The following SMAD3 variants were observed in gnomAD, a reference collection of about 807,000 sequenced individuals.
The protein encoded by SMAD3 is MAD homolog 3.
SMAD3 carries 12 observed loss-of-function variants against 51.8 expected under a neutral mutation model. The ratio of observed to expected loss-of-function variants is 0.23; its 90% CI spans 0.15 to 0.38. The LOEUF is 0.38. Among genes scored for constraint, SMAD3 ranks in the 10% least tolerant of loss-of-function variants. The pLI, the probability that SMAD3 is intolerant of heterozygous loss-of-function variation, is 1.00. For missense variants in SMAD3, 294 were observed against 565.6 expected (o/e 0.52, Z 4.87); for synonymous variants, 238 against 227.7 (o/e 1.05, Z -0.41).
intron 1 of SMAD3, among the ~76,000 whole-genome samples, chr15:67,068,698 A>T (rs1478257300): frequency 6.6e-6 from 1 of 152,088 alleles, no homozygotes; most frequent in Non-Finnish European, 1.5e-5. Context: ...ATCCAGACAA[A>T]ATGGATTTTC....
At chr15:67,117,088 T>C (rs1311362934) in intron 1 of SMAD3, among the ~76,000 whole-genome samples, 1 of 152,132 alleles carries the variant, frequency 6.6e-6, no homozygotes. Context: ...TCTAAATATG[T>C]CTCTGCCTCC....
In SMAD3 at chr15:67,137,152, C is replaced by G. The variant is rs527347311; in HGVS notation, c.207-27743C>G. 2.0e-5 allele frequency among the ~76,000 whole-genome samples: 3 copies of G among 152,258 alleles called. No homozygotes were observed. The South Asian group carries it at 6.2e-4, about 32-fold the overall frequency. Reference sequence around the variant, plus strand: ...AGCAGGCTGCGTTTGTGGTTTTTGCCAAGGCTTGACTTTTGACCACTTTTC... The same window carrying G: ...AGCAGGCTGCGTTTGTGGTTTTTGCGAAGGCTTGACTTTTGACCACTTTTC... On this transcript the variant is annotated intron_variant, in intron 1 of 8. Coordinates refer to ENST00000327367, the MANE Select transcript of SMAD3 (RefSeq NM_005902.4).
In SMAD3 at chr15:67,191,707, A is replaced by G. The variant is rs1199590186; in HGVS notation, c.*1171A>G. 4.3e-6 allele frequency: 1 copy of G among 231,318 alleles called. No individual in the cohort carries two copies. Among genetic ancestry groups the G allele is most frequent in the African/African-American group, 2.2e-5 (1 of 45,206 alleles). 14.3% of individuals were successfully genotyped at this position (231,318 alleles called of 1,614,324 possible). ...AATTTACAGAAGCAAATTCACCAGA[A>G]GGGAAACATCTCAGGCCAACATAGG... is the stretch of plus-strand genomic sequence containing the variant. On this transcript the variant is annotated 3_prime_UTR_variant, in exon 9 of 9. Transcript: ENST00000327367.
intron 1 of SMAD3, among the ~76,000 whole-genome samples, chr15:67,087,954 C>A (rs1349557502): frequency 6.6e-6 from 1 of 152,162 alleles, no homozygotes; most frequent in African/African-American, 2.4e-5. Context: ...GCAAGCCAAG[C>A]CCTTTGGAAG....
In SMAD3 at chr15:67,085,868, G is replaced by GCACACACACACACACACA. The variant is rs78357581; in HGVS notation, c.206+19523_206+19540dup. Among the ~76,000 whole-genome samples, 44 of 100,148 alleles carry GCACACACACACACACACA rather than the reference G, an allele frequency of 4.4e-4. 1 individual carries two copies. The highest frequency in any genetic ancestry group is 1.4e-3 in the African/African-American group (42 of 29,234). 65.7% of individuals were successfully genotyped at this position (100,148 alleles called of 152,430 possible). ...TAGTGGTTGGTCAAAAAAAAAGCGT[G>GCACACACACACACACACA]CACACACACACACACACACACACAC... On this transcript the variant is annotated intron_variant, in intron 1 of 8. Transcript: ENST00000327367.
At chr15:67,084,107 G>T (rs141794286) in intron 1 of SMAD3, among the ~76,000 whole-genome samples, 4 of 115,076 alleles carry the variant, frequency 3.5e-5, no homozygotes, top group Non-Finnish European at 6.5e-5. Context: ...ATGGAGTCTC[G>T]CTCTGTCGCC....
rs58914503 is a variant in SMAD3 at position 67,150,847 on chromosome 15, C to CTTTTTTTTTTTTTTTTT, written c.207-14038_207-14022dup. 1.4e-4 allele frequency among the ~76,000 whole-genome samples: 2 copies of CTTTTTTTTTTTTTTTTT among 14,672 alleles called. 1 individual carries two copies. The highest frequency in any genetic ancestry group is 2.3e-4 in the Non-Finnish European group (2 of 8,884). 9.6% of individuals were successfully genotyped at this position (14,672 alleles called of 152,430 possible). A position where few individuals can be genotyped will look rare whatever the true frequency, so the allele number is the denominator to read the frequency against. On this transcript the variant is annotated intron_variant, in intron 1 of 8. Coordinates refer to ENST00000327367, the MANE Select transcript of SMAD3 (RefSeq NM_005902.4). ...TAAGAGAGCAAAGCTATTTCTCAGT[C>CTTTTTTTTTTTTTTTTT]TTTTTTTTTTTTTTTTTTTTTTTTT...
At chr15:67,184,898 G>A (rs767186122) in intron 7 of SMAD3, 34 bp downstream of exon 7, 4 of 1,611,902 alleles carry the variant, frequency 2.5e-6, no homozygotes, top group African/African-American at 1.3e-5. Flanking sequence ...CTGCCTTGAG[G>A]TCCCTCTCCG....
chr15:67,181,009 A>AAATAAATAAAT (rs1566999228), intron 5 of SMAD3, among the ~76,000 whole-genome samples: 1 of 112,950 alleles, frequency 8.9e-6, no homozygotes, highest in Non-Finnish European at 2.1e-5. Flanking sequence ...AATAAATAAA[A>AAATAAATAAAT]AGAGAAATCA....
At chr15:67,174,012 G>A (rs1380058349) in intron 5 of SMAD3, among the ~76,000 whole-genome samples, 2 of 152,252 alleles carry the variant, frequency 1.3e-5, no homozygotes, top group African/African-American at 2.4e-5. Context: ...TCAGGAAAGC[G>A]GCTGGCGCTG....
chr15:67,073,528 C>T (rs1425518977), intron 1 of SMAD3, among the ~76,000 whole-genome samples: 1 of 152,198 alleles, frequency 6.6e-6, no homozygotes, highest in Non-Finnish European at 1.5e-5. Context: ...AGGTTCTAGA[C>T]GTGGCTCTGT....
At chr15:67,114,130 G>T (rs778246606) in intron 1 of SMAD3, among the ~76,000 whole-genome samples, 19 of 152,174 alleles carry the variant, frequency 1.2e-4, no homozygotes, top group Non-Finnish European at 5.9e-5. Flanking sequence ...TGCCCTGAGA[G>T]ATGGCCGTCA....
intron 1 of SMAD3, among the ~76,000 whole-genome samples, chr15:67,161,019 T>C (rs545000218): frequency 6.6e-6 from 1 of 152,106 alleles, no homozygotes; most frequent in Non-Finnish European, 1.5e-5. Flanking sequence ...ATCTGAGAAA[T>C]CATTGTCTAT....
chr15:67,105,929 C>T (rs1476522149), intron 1 of SMAD3, among the ~76,000 whole-genome samples: 1 of 152,206 alleles, frequency 6.6e-6, no homozygotes, highest in East Asian at 1.9e-4. Flanking sequence ...GCACAGCCTC[C>T]TCCAGGCCTC....
rs1366848240 is a variant in SMAD3, at chr15:67,065,654, C to G, written c.-501C>G. Among the ~76,000 whole-genome samples, 1 of 151,504 alleles carries G rather than the reference C, an allele frequency of 6.6e-6. No individual in the cohort carries two copies. The highest frequency in any genetic ancestry group is 2.1e-4 in the South Asian group (1 of 4,812). On this transcript the variant is annotated 5_prime_UTR_variant, in exon 1 of 9. Coordinates refer to ENST00000327367, the MANE Select transcript of SMAD3 (RefSeq NM_005902.4). ...CGGGAGCGCGGCGCACGCCCCGGGC[C>G]GGCCCAGCCAGCGAGCGAGCGAGCG...
chr15:67,182,998 AAAATATATATAT>A (rs1203171043), intron 6 of SMAD3, among the ~76,000 whole-genome samples: 2 of 49,084 alleles, frequency 4.1e-5, no homozygotes, highest in African/African-American at 8.8e-5. Flanking sequence ...AAAAAAAAAA[AAAATATATATAT>A]ATATATATAT....
chr15:67,184,674 G>A (rs541805844), intron 6 of SMAD3, 53 bp from the exon 7 acceptor site: 1 of 1,611,042 alleles, frequency 6.2e-7, no homozygotes, highest in Non-Finnish European at 8.5e-7. Context: ...TGGCCCCAGG[G>A]CCATTGTGTG....
chr15:67,140,581 G>A lies in SMAD3; in HGVS notation c.207-24314G>A, dbSNP rs117415577. The stretch of plus-strand genomic sequence containing the variant: ...TGGTATGACAGGTGGGTCTAGAGCC[G>A]GCAGAGACTCAAGGCAGCCTGACAG... On this transcript the variant is annotated intron_variant, in intron 1 of 8. Transcript: ENST00000327367. Among the ~76,000 whole-genome samples, 461 of 152,258 alleles carry A rather than the reference G, an allele frequency of 3.0e-3. 17 individuals carry two copies. In the East Asian group the frequency reaches 0.065, roughly 21 times the overall value.
At chr15:67,076,157 G>C (rs576495660) in intron 1 of SMAD3, among the ~76,000 whole-genome samples, 32 of 152,280 alleles carry the variant, frequency 2.1e-4, no homozygotes, top group Non-Finnish European at 4.3e-4. Flanking sequence ...AACACACACA[G>C]AGAACATACA....
Sources: gnomAD v4.1 joint callset for allele counts (sites outside exome capture counted in the v4.1 genomes callset) on GRCh38, gnomAD v4.1.1 for gene constraint, MANE v1.5 for transcripts, NCBI Gene and HGNC (gene_info 2026-07-23, HGNC 2026-07-21) for gene names.